ERC2: variants seen among roughly 807,000 people sequenced by gnomAD.
ERC2 encodes the protein ERC protein 2.
ERC2 carries 42 observed loss-of-function variants against 114.8 expected under a neutral mutation model. The ratio of observed to expected loss-of-function variants is 0.37; its 90% CI spans 0.29 to 0.47. The LOEUF is 0.47. Among genes scored for constraint, ERC2 ranks in the 20% least tolerant of loss-of-function variants. ERC2 has a pLI of 0.99. For synonymous variants in ERC2, 454 were observed against 425.5 expected (o/e 1.07, Z -0.82); for missense variants, 939 against 1,150.7 (o/e 0.82, Z 2.66).
At chr3:56,460,606 C>G (rs958249541) in intron 1 of ERC2, among the ~76,000 whole-genome samples, 2 of 152,178 alleles carry the variant, frequency 1.3e-5, no homozygotes, top group African/African-American at 4.8e-5. Context: ...ATAAATGGTG[C>G]TCTTCATATA....
chr3:55,635,397 T>C (rs1202283747), intron 17 of ERC2, among the ~76,000 whole-genome samples: 1 of 151,910 alleles, frequency 6.6e-6, no homozygotes, highest in Non-Finnish European at 1.5e-5. Context: ...TTTTTTTCTT[T>C]CTTTTTTTTT....
At chr3:55,951,177 G>T (rs1459515042) in intron 12 of ERC2, among the ~76,000 whole-genome samples, 1 of 152,170 alleles carries the variant, frequency 6.6e-6, no homozygotes, top group Non-Finnish European at 1.5e-5. Context: ...GGCTCATAGG[G>T]CCTCTGGTCC....
intron 4 of ERC2, among the ~76,000 whole-genome samples, chr3:56,149,799 G>A (rs2149952293): frequency 6.6e-6 from 1 of 152,102 alleles, no homozygotes; most frequent in South Asian, 2.1e-4. Context: ...TACCTTGCAG[G>A]GCAGTTCAAC....
chr3:56,187,919 G>T (rs2083726076), intron 3 of ERC2, among the ~76,000 whole-genome samples: 2 of 152,104 alleles, frequency 1.3e-5, no homozygotes, highest in Non-Finnish European at 2.9e-5. Flanking sequence ...CTGGCAGTCA[G>T]GCAAGGTCCC....
At chr3:56,086,023 C>T (rs1169819763) in intron 6 of ERC2, among the ~76,000 whole-genome samples, 1 of 152,082 alleles carries the variant, frequency 6.6e-6, no homozygotes, top group African/African-American at 2.4e-5. Flanking sequence ...ACTCTGTAAT[C>T]ATGAGAGAGA....
chr3:56,102,407 A>C (rs2078409664), intron 6 of ERC2, among the ~76,000 whole-genome samples: 1 of 152,180 alleles, frequency 6.6e-6, no homozygotes, highest in Admixed American at 6.5e-5. Flanking sequence ...TGATATCTTT[A>C]AGAAAAAAAC....
intron 17 of ERC2, among the ~76,000 whole-genome samples, chr3:55,515,768 A>G (rs1360519840): frequency 6.6e-6 from 1 of 151,934 alleles, no homozygotes; most frequent in Admixed American, 6.6e-5. Context: ...CCCCAGGGAG[A>G]GCAGGCTATA....
At chr3:56,428,483 T>G (rs1424371126) in intron 2 of ERC2, among the ~76,000 whole-genome samples, 2 of 138,846 alleles carry the variant, frequency 1.4e-5, no homozygotes, top group Non-Finnish European at 3.0e-5. Flanking sequence ...ATTACACCAC[T>G]GCACTCCAGC....
chr3:55,882,713 T>C (rs1296219926), intron 14 of ERC2, among the ~76,000 whole-genome samples: 1 of 152,248 alleles, frequency 6.6e-6, no homozygotes, highest in East Asian at 1.9e-4. Context: ...TATGCCATTT[T>C]ATATCAGGGA....
chr3:56,148,637 C>G (rs6788505), intron 5 of ERC2, among the ~76,000 whole-genome samples: 1 of 151,940 alleles, frequency 6.6e-6, no homozygotes, highest in Non-Finnish European at 1.5e-5. Flanking sequence ...AATTTGACAA[C>G]GATAGCAACT....
At chr3:55,792,342 T>C (rs1007547897) in intron 14 of ERC2, among the ~76,000 whole-genome samples, 2 of 152,204 alleles carry the variant, frequency 1.3e-5, no homozygotes, top group Admixed American at 1.3e-4. Flanking sequence ...AGGTATTGTT[T>C]AGCTCTCGAA....
At chr3:55,844,201 T>C (rs2061256501) in intron 14 of ERC2, among the ~76,000 whole-genome samples, 1 of 152,196 alleles carries the variant, frequency 6.6e-6, no homozygotes, top group Non-Finnish European at 1.5e-5. Context: ...GCCTTTCTAC[T>C]CCTTGGTATA....
intron 16 of ERC2, among the ~76,000 whole-genome samples, chr3:55,695,094 A>T (rs1428391353): frequency 2.0e-5 from 3 of 152,260 alleles, no homozygotes; most frequent in African/African-American, 7.2e-5. Flanking sequence ...CTATTTAAAG[A>T]AAATGACAGA....
At chr3:55,731,286 A>C (rs907988612) in intron 15 of ERC2, among the ~76,000 whole-genome samples, 1 of 152,326 alleles carries the variant, frequency 6.6e-6, no homozygotes, top group South Asian at 2.1e-4. Flanking sequence ...ACATGTGCCC[A>C]GCTGTTTGCA....
chr3:55,944,523 A>T (rs1576306463), intron 13 of ERC2, among the ~76,000 whole-genome samples: 1 of 152,364 alleles, frequency 6.6e-6, no homozygotes, highest in African/African-American at 2.4e-5. Context: ...AAAACAAGTC[A>T]TACTTTAGTG....
chr3:55,923,948 G>C (rs1201314115), intron 13 of ERC2, among the ~76,000 whole-genome samples: 3 of 152,114 alleles, frequency 2.0e-5, no homozygotes, highest in Non-Finnish European at 4.4e-5. Context: ...ATTTGCTGTA[G>C]TGATCCAGGT....
intron 2 of ERC2, among the ~76,000 whole-genome samples, chr3:56,404,564 C>T (rs2060638986): frequency 6.6e-6 from 1 of 152,006 alleles, no homozygotes; most frequent in Admixed American, 6.6e-5. Flanking sequence ...TTTAAAATAG[C>T]TAAGAGTATA....
chr3:56,091,550 T>C (rs2077791255), intron 6 of ERC2, among the ~76,000 whole-genome samples: 1 of 152,166 alleles, frequency 6.6e-6, no homozygotes, highest in Non-Finnish European at 1.5e-5. Flanking sequence ...GGATGGGCAG[T>C]CCTGTAATTA....
At chr3:55,553,830 C>T (rs1197005414) in intron 17 of ERC2, among the ~76,000 whole-genome samples, 6 of 151,938 alleles carry the variant, frequency 3.9e-5, no homozygotes, top group East Asian at 1.9e-4. Context: ...AGCCAAGCAT[C>T]GGCATCATTC....
Sources: gnomAD v4.1 joint callset for allele counts (sites outside exome capture counted in the v4.1 genomes callset) on GRCh38, gnomAD v4.1.1 for gene constraint, MANE v1.5 for transcripts, NCBI Gene and HGNC (gene_info 2026-07-23, HGNC 2026-07-21) for gene names.